PCDHGA5: variants seen among roughly 807,000 people sequenced by gnomAD.
PCDHGA5 encodes protocadherin gamma-A5.
A neutral mutation model predicts 56.7 loss-of-function variants in PCDHGA5; 36 were observed. That is an observed-to-expected ratio of 0.64 (90% CI 0.49 to 0.84). The LOEUF (loss-of-function observed/expected upper bound fraction) is 0.84, where lower values mean the gene tolerates loss of function less well. PCDHGA5 is among the 40% of genes least tolerant of loss of function. PCDHGA5 has a pLI of 0.00. For missense variants in PCDHGA5, 1,305 were observed against 1,201.5 expected, an observed-to-expected ratio of 1.09 and a Z score of -1.27; for synonymous variants, 563 against 520.2, an observed-to-expected ratio of 1.08 and a Z score of -1.12.
At chr5:141,484,454 G>T (rs932663778) in intron 1 of PCDHGA5, among the ~76,000 whole-genome samples, 2 of 152,212 alleles carry the variant, frequency 1.3e-5, no homozygotes, top group Non-Finnish European at 2.9e-5. Context: ...AATTGGCTAC[G>T]TTAATGTGTA....
chr5:141,428,454 C>A, intron 1 of PCDHGA5: 1 of 365,394 alleles, frequency 2.7e-6, no homozygotes, highest in Non-Finnish European at 5.2e-6. Context: ...TTTTTCCCAA[C>A]TACAATGAGG....
chr5:141,428,037 C>G lies in PCDHGA5; in HGVS notation c.2421+61286C>G, dbSNP rs762273592. 3.7e-6 allele frequency: 6 copies of G among 1,608,340 alleles called. No homozygotes were observed. In the African/African-American group the frequency reaches 8.0e-5, roughly 21 times the overall value. ...GCCACGCGCCGCAGAGTCCGGCTACCTGGTGACCAAGGTGGTGGCGGTGGA... is the reference window on the plus strand; with the variant it reads ...GCCACGCGCCGCAGAGTCCGGCTACGTGGTGACCAAGGTGGTGGCGGTGGA... On this transcript the variant is annotated intron_variant, in intron 1 of 3. Coordinates refer to ENST00000518069, the MANE Select transcript of PCDHGA5 (RefSeq NM_018918.3).
intron 1 of PCDHGA5, chr5:141,403,610 C>T: frequency 6.2e-7 from 1 of 1,613,860 alleles, no homozygotes; most frequent in Non-Finnish European, 8.5e-7. Context: ...TGGCGGCGAG[C>T]CGCGTCGCTC....
intron 1 of PCDHGA5, chr5:141,442,134 AG>A (rs1365375748): frequency 6.1e-6 from 1 of 163,744 alleles, no homozygotes; most frequent in African/African-American, 2.4e-5. Context: ...AGCCTGCAGG[AG>A]ACTCTGCCAG....
rs773624580 is a variant in PCDHGA5 at position 141,489,715 on chromosome 5, G to A, written c.2422-5092G>A. On this transcript the variant is annotated intron_variant, in intron 1 of 3. Transcript: ENST00000518069. The surrounding 1 kb of genome is among the most constrained non-coding windows in gnomAD (Gnocchi z 4.5). ...ACGATTCCCACTGGACAGTGCCCAG[G>A]ATCCGGATGTGGGCACCAATACTGT... The A allele has an allele frequency of 6.2e-6, 10 of 1,614,004 alleles. No homozygotes were observed. The highest frequency in any genetic ancestry group is 2.2e-5 in the East Asian group (1 of 44,886).
chr5:141,376,556 A>C, intron 1 of PCDHGA5: 1 of 1,611,100 alleles, frequency 6.2e-7, no homozygotes, highest in Non-Finnish European at 8.5e-7. Context: ...TCTTCCCGCA[A>C]CCCAACTAAT....
intron 1 of PCDHGA5, chr5:141,426,767 A>C (rs1219028777): frequency 2.2e-6 from 1 of 456,666 alleles, no homozygotes. Flanking sequence ...ATGCAGATGT[A>C]GGGCCTCACT....
intron 1 of PCDHGA5, chr5:141,419,895 C>G (rs1209315374): frequency 6.2e-7 from 1 of 1,613,916 alleles, no homozygotes; most frequent in Non-Finnish European, 8.5e-7. Context: ...AGCGACCATC[C>G]CACACCCTCT....
intron 1 of PCDHGA5, chr5:141,375,342 T>C: frequency 6.2e-7 from 1 of 1,613,798 alleles, no homozygotes; most frequent in Non-Finnish European, 8.5e-7. Flanking sequence ...TTGTACAACA[T>C]CACTGTGACA....
intron 1 of PCDHGA5, chr5:141,422,543 T>A: frequency 3.1e-6 from 5 of 1,614,000 alleles, no homozygotes; most frequent in Non-Finnish European, 4.2e-6. Flanking sequence ...GAAACTCATG[T>A]CTGGCTGAAT....
intron 1 of PCDHGA5, chr5:141,421,800 G>T (rs995129799): frequency 1.2e-6 from 2 of 1,613,728 alleles, no homozygotes. Flanking sequence ...ATGGGGCCAA[G>T]AATCCAGAGC....
chr5:141,459,687 G>A (rs191874235), intron 1 of PCDHGA5, among the ~76,000 whole-genome samples: 15 of 152,278 alleles, frequency 9.9e-5, no homozygotes, highest in Admixed American at 2.0e-4. Context: ...TGCATAAAGC[G>A]TTCCGCTTGC....
At chr5:141,458,987 C>A (rs2098958554) in intron 1 of PCDHGA5, among the ~76,000 whole-genome samples, 1 of 152,168 alleles carries the variant, frequency 6.6e-6, no homozygotes, top group Non-Finnish European at 1.5e-5. Context: ...CCTGCCTCAC[C>A]CTCCCAAAGT....
At chr5:141,439,796 G>C (rs980000701) in intron 1 of PCDHGA5, 4 of 152,318 alleles carry the variant, frequency 2.6e-5, no homozygotes, top group African/African-American at 9.6e-5. Flanking sequence ...AATCCAAGAA[G>C]AGTTTGAAAA....
chr5:141,505,287 TG>T, intron 2 of PCDHGA5, 105 bp from the exon 3 acceptor site: 1 of 1,550,864 alleles, frequency 6.4e-7, no homozygotes, highest in Middle Eastern at 2.1e-4. Context: ...GTCTTGGGCA[TG>T]GGGTAGGGTT....
chr5:141,433,159 T>C, intron 1 of PCDHGA5: 2 of 1,613,968 alleles, frequency 1.2e-6, no homozygotes, highest in Non-Finnish European at 1.7e-6. Flanking sequence ...CGGTATTTTC[T>C]AAAGACAGTC....
At chr5:141,403,831 G>T (rs1207086715) in intron 1 of PCDHGA5, 1 of 1,613,760 alleles carries the variant, frequency 6.2e-7, no homozygotes. Context: ...TGCTATTCCA[G>T]CTTAATGAAA....
In PCDHGA5 at chr5:141,477,836, G is replaced by T. The variant is rs1344676631; in HGVS notation, c.2422-16971G>T. On this transcript the variant is annotated intron_variant, in intron 1 of 3. Transcript: ENST00000518069. This position sits in a 1 kb window ranked among gnomAD's most constrained non-coding sequence, Gnocchi z 4.9. ...CCAGGTCCTATATCCTCGGCCAGGT[G>T]GGAGCTCGGTGGAGATGCTGCCTCG... The T allele has an allele frequency of 1.2e-6, 2 of 1,613,952 alleles. No individual in the cohort carries two copies. Among genetic ancestry groups the T allele is most frequent in the Non-Finnish European group, 1.7e-6 (2 of 1,180,012 alleles).
At chr5:141,446,604 G>C (rs1226194089) in intron 1 of PCDHGA5, among the ~76,000 whole-genome samples, 1 of 152,134 alleles carries the variant, frequency 6.6e-6, no homozygotes, top group Non-Finnish European at 1.5e-5. Flanking sequence ...AGCCTCCTGA[G>C]TAGCTGGGAC....
Sources: allele counts gnomAD v4.1 joint callset (sites outside exome capture counted in the v4.1 genomes callset), GRCh38; gene constraint gnomAD v4.1.1; non-coding constraint Gnocchi (gnomAD v3.1); transcripts MANE v1.5; gene names NCBI Gene and HGNC (gene_info 2026-07-23, HGNC 2026-07-21).